SORCS1: variants seen among roughly 807,000 people sequenced by gnomAD.
The protein encoded by SORCS1 is sortilin related VPS10 domain containing receptor 1.
Under a neutral mutation model 146.1 loss-of-function variants are expected in SORCS1, and 60 were observed. That is an observed-to-expected ratio of 0.41 (90% CI 0.33 to 0.51). The LOEUF (loss-of-function observed/expected upper bound fraction) is 0.51. Ranked by LOEUF, SORCS1 falls within the 20% of genes least tolerant of loss-of-function variation. The pLI, the probability that SORCS1 is intolerant of heterozygous loss-of-function variation, is 0.21. For synonymous variants in SORCS1, 637 were observed against 584.0 expected (o/e 1.09, Z -1.31); for missense variants, 1,352 against 1,487.6 (o/e 0.91, Z 1.50).
intron 2 of SORCS1, among the ~76,000 whole-genome samples, chr10:106,943,615 G>A (rs1419814347): frequency 6.6e-6 from 1 of 151,520 alleles, no homozygotes; most frequent in African/African-American, 2.4e-5. Context: ...AGACCATCCC[G>A]GCTAACACTG....
chr10:106,785,363 TCTC>T (rs1946008501), intron 3 of SORCS1, among the ~76,000 whole-genome samples: 2 of 152,186 alleles, frequency 1.3e-5, no homozygotes, highest in Non-Finnish European at 2.9e-5. Context: ...ACATCCCTCC[TCTC>T]CTCCTTCCTA....
chr10:106,687,126 C>T (rs1852910175), intron 10 of SORCS1, among the ~76,000 whole-genome samples: 2 of 152,158 alleles, frequency 1.3e-5, no homozygotes, highest in South Asian at 4.1e-4. Flanking sequence ...CTCTTCCTCG[C>T]CTCCTTCTGC....
intron 5 of SORCS1, among the ~76,000 whole-genome samples, chr10:106,753,432 T>C (rs1469429652): frequency 6.6e-6 from 1 of 152,046 alleles, no homozygotes; most frequent in Non-Finnish European, 1.5e-5. Context: ...TATAACAAAC[T>C]ATCAAACAAT....
intron 1 of SORCS1, among the ~76,000 whole-genome samples, chr10:107,086,752 G>A (rs1963793143): frequency 6.6e-6 from 1 of 152,184 alleles, no homozygotes; most frequent in African/African-American, 2.4e-5. Flanking sequence ...CCAGACACAT[G>A]GGTTCAGTGG....
intron 1 of SORCS1, among the ~76,000 whole-genome samples, chr10:106,985,895 GAC>G (rs1241202913): frequency 6.6e-6 from 1 of 151,762 alleles, no homozygotes; most frequent in African/African-American, 2.4e-5. Flanking sequence ...ATGAATATGT[GAC>G]ACAGAGTACC....
At chr10:107,105,718 C>T (rs188909168) in intron 1 of SORCS1, among the ~76,000 whole-genome samples, 106 of 149,766 alleles carry the variant, frequency 7.1e-4, no homozygotes, top group African/African-American at 2.5e-3. Context: ...TTAGATGATG[C>T]CCACCCAGAT....
At chr10:107,171,767 G>A in the SORCS1 span, among the ~76,000 whole-genome samples, 2 of 152,014 alleles carry the variant, frequency 1.3e-5, no homozygotes, top group Admixed American at 1.3e-4. Flanking sequence ...CAAAGTGCTG[G>A]AATTACAGGT....
At chr10:106,967,525 G>C (rs1347135394) in intron 1 of SORCS1, among the ~76,000 whole-genome samples, 2 of 152,052 alleles carry the variant, frequency 1.3e-5, no homozygotes, top group African/African-American at 2.4e-5. Flanking sequence ...TAGTAAAATA[G>C]AAAAATGAAA....
intron 2 of SORCS1, among the ~76,000 whole-genome samples, chr10:106,912,699 A>G (rs1952224375): frequency 6.6e-6 from 1 of 151,872 alleles, no homozygotes; most frequent in African/African-American, 2.4e-5. Flanking sequence ...TTTGTTTTTT[A>G]ATGGAGTCTC....
intron 2 of SORCS1, among the ~76,000 whole-genome samples, chr10:106,850,921 T>G (rs1949543213): frequency 6.6e-6 from 1 of 152,170 alleles, no homozygotes; most frequent in Admixed American, 6.5e-5. Flanking sequence ...ATCACTATCT[T>G]CTAGCCAATT....
intron 22 of SORCS1, among the ~76,000 whole-genome samples, chr10:106,611,039 C>T (rs752879405): frequency 1.4e-4 from 22 of 151,820 alleles, no homozygotes; most frequent in Non-Finnish European, 2.4e-4. Context: ...GAGATTGAGT[C>T]ACTGCACTCC....
At chr10:107,054,276 C>G (rs546391669) in intron 1 of SORCS1, among the ~76,000 whole-genome samples, 18 of 152,122 alleles carry the variant, frequency 1.2e-4, no homozygotes, top group Admixed American at 3.3e-4. Context: ...AACATTTTTA[C>G]TGTGATAGGT....
chr10:106,805,171 C>A (rs191869918), intron 3 of SORCS1, among the ~76,000 whole-genome samples: 17 of 152,280 alleles, frequency 1.1e-4, no homozygotes, highest in Admixed American at 1.1e-3. Flanking sequence ...TGCTAATGGA[C>A]ATCATAGCTG....
At chr10:106,649,275 C>A (rs751586319) in intron 18 of SORCS1, among the ~76,000 whole-genome samples, 4 of 152,108 alleles carry the variant, frequency 2.6e-5, no homozygotes, top group Admixed American at 6.6e-5. Flanking sequence ...CCTACTGGGG[C>A]TTCAGGAGCT....
At chr10:107,042,355 G>T (rs1316755970) in intron 1 of SORCS1, among the ~76,000 whole-genome samples, 1 of 152,174 alleles carries the variant, frequency 6.6e-6, no homozygotes, top group African/African-American at 2.4e-5. Flanking sequence ...TTCTAAAACA[G>T]AATTCTCAAA....
In SORCS1 at chr10:107,091,221, G is replaced by C. The variant is rs1454746593; in HGVS notation, c.558+72748C>G. On this transcript the variant is annotated intron_variant, in intron 1 of 25. Coordinates refer to ENST00000263054, the MANE Select transcript of SORCS1 (RefSeq NM_052918.5). ...CCCTTCCTGCCTATGCAACAGAGCTGGTGAGTAGCCCCATTTGAGCCTTCC... is the reference window on the plus strand; with the variant it reads ...CCCTTCCTGCCTATGCAACAGAGCTCGTGAGTAGCCCCATTTGAGCCTTCC... 2.0e-5 allele frequency among the ~76,000 whole-genome samples: 3 copies of C among 152,208 alleles called. No individual in the cohort carries two copies. In the South Asian group the frequency reaches 6.2e-4, roughly 32 times the overall value.
At chr10:106,900,787 T>A (rs1951668980) in intron 2 of SORCS1, among the ~76,000 whole-genome samples, 1 of 152,224 alleles carries the variant, frequency 6.6e-6, no homozygotes, top group Non-Finnish European at 1.5e-5. Flanking sequence ...AATACTATGT[T>A]TTTAAGTTTA....
chr10:106,892,022 A>G (rs7911030), intron 2 of SORCS1, among the ~76,000 whole-genome samples: 11,779 of 152,166 alleles, frequency 0.077, 996 homozygotes, highest in African/African-American at 0.2. Flanking sequence ...GTAACATTCT[A>G]TGCCAGACTA....
chr10:106,627,712 A>G (rs542430935), intron 19 of SORCS1, among the ~76,000 whole-genome samples: 1 of 152,344 alleles, frequency 6.6e-6, no homozygotes, highest in South Asian at 2.1e-4. Flanking sequence ...TAACAAGCAC[A>G]CTGCTTCTAA....
Sources: gnomAD v4.1 joint callset for allele counts (sites outside exome capture counted in the v4.1 genomes callset) on GRCh38, gnomAD v4.1.1 for gene constraint, MANE v1.5 for transcripts, NCBI Gene and HGNC (gene_info 2026-07-23, HGNC 2026-07-21) for gene names.